ROR1: variants seen among roughly 807,000 people sequenced by gnomAD.
ROR1 encodes ROR family WNT receptor 1.
In ROR1, 19 loss-of-function variants were observed where a neutral mutation model predicts 78.8. That is an observed-to-expected ratio of 0.24 (90% CI 0.17 to 0.35). ROR1 has a LOEUF of 0.35. Among genes scored for constraint, ROR1 ranks in the 10% least tolerant of loss-of-function variants. The pLI is 1.00. For synonymous variants in ROR1, 386 were observed against 433.6 expected, an observed-to-expected ratio of 0.89 and a Z score of 1.36; for missense variants, 917 against 1,177.8, an observed-to-expected ratio of 0.78 and a Z score of 3.24.
At chr1:63,937,190 T>C (rs1645800380) in intron 1 of ROR1, among the ~76,000 whole-genome samples, 1 of 152,210 alleles carries the variant, frequency 6.6e-6, no homozygotes, top group African/African-American at 2.4e-5. Flanking sequence ...TTTCTATCTC[T>C]TAGTGACTGA....
At chr1:63,827,201 C>A (rs1024177656) in intron 1 of ROR1, among the ~76,000 whole-genome samples, 3 of 151,982 alleles carry the variant, frequency 2.0e-5, no homozygotes, top group Non-Finnish European at 2.9e-5. Context: ...TTGCTGGGTG[C>A]ATAGTTTGTG....
At chr1:63,811,351 C>T (rs929280424) in intron 1 of ROR1, among the ~76,000 whole-genome samples, 5 of 152,112 alleles carry the variant, frequency 3.3e-5, no homozygotes, top group African/African-American at 9.7e-5. Context: ...TGATCAGTGC[C>T]CCTAAAATTG....
chr1:63,943,039 G>A (rs1386414062), intron 1 of ROR1, among the ~76,000 whole-genome samples: 1 of 148,092 alleles, frequency 6.8e-6, no homozygotes, highest in East Asian at 2.0e-4. Flanking sequence ...GCAGCAAGCT[G>A]TGATTACACC....
intron 1 of ROR1, among the ~76,000 whole-genome samples, chr1:63,818,743 A>C (rs1301681648): frequency 6.6e-6 from 1 of 152,210 alleles, no homozygotes; most frequent in Non-Finnish European, 1.5e-5. Context: ...GTGAATACAT[A>C]AGGTATAACC....
At chr1:64,094,070 C>T (rs553541165) in intron 4 of ROR1, among the ~76,000 whole-genome samples, 2 of 152,278 alleles carry the variant, frequency 1.3e-5, no homozygotes, top group South Asian at 4.1e-4. Context: ...ACAATGCCAA[C>T]TATTGCTTGT....
intron 7 of ROR1, among the ~76,000 whole-genome samples, chr1:64,155,347 T>C (rs892119442): frequency 6.6e-6 from 1 of 152,222 alleles, no homozygotes; most frequent in Non-Finnish European, 1.5e-5. Context: ...TCTGGCCAAA[T>C]GCAGAGAGCT....
chr1:63,864,466 G>A (rs990088171), intron 1 of ROR1, among the ~76,000 whole-genome samples: 1 of 152,136 alleles, frequency 6.6e-6, no homozygotes, highest in Non-Finnish European at 1.5e-5. Flanking sequence ...TGAACCCTTG[G>A]AAATTGTGTG....
chr1:64,017,887 T>A (rs1470466352), intron 2 of ROR1, among the ~76,000 whole-genome samples: 1 of 152,208 alleles, frequency 6.6e-6, no homozygotes, highest in African/African-American at 2.4e-5. Flanking sequence ...AGTCTCAGAT[T>A]CCTTACTCCC....
intron 4 of ROR1, chr1:64,105,264 G>T (rs1647749259): frequency 6.6e-6 from 1 of 152,136 alleles, no homozygotes; most frequent in African/African-American, 2.4e-5. Context: ...CTTCTTTTGA[G>T]AAGTGTCTGT....
chr1:63,858,914 A>G (rs7549286), intron 1 of ROR1, among the ~76,000 whole-genome samples: 30,752 of 152,182 alleles, frequency 0.2, 3,381 homozygotes, highest in Middle Eastern at 0.26. Flanking sequence ...ATGTGAATAA[A>G]TCAATATATT....
intron 4 of ROR1, among the ~76,000 whole-genome samples, chr1:64,072,283 C>T (rs961951705): frequency 6.6e-6 from 1 of 152,138 alleles, no homozygotes; most frequent in African/African-American, 2.4e-5. Flanking sequence ...TTACTAAGGG[C>T]CTGCTTCCTA....
intron 4 of ROR1, among the ~76,000 whole-genome samples, chr1:64,078,434 G>A (rs547353950): frequency 6.6e-6 from 1 of 152,268 alleles, no homozygotes; most frequent in South Asian, 2.1e-4. Context: ...AACTAAGTGG[G>A]ATGAAGCTTC....
At chr1:63,803,413 G>A (rs1192445558) in intron 1 of ROR1, among the ~76,000 whole-genome samples, 4 of 150,698 alleles carry the variant, frequency 2.7e-5, no homozygotes, top group African/African-American at 9.8e-5. Flanking sequence ...GCGCAATATC[G>A]GCTCACTGCA....
chr1:63,888,540 T>C, intron 1 of ROR1, among the ~76,000 whole-genome samples: 1 of 151,998 alleles, frequency 6.6e-6, no homozygotes. Context: ...GGAGGATCAG[T>C]TGAGCTCAGG....
intron 1 of ROR1, among the ~76,000 whole-genome samples, chr1:63,852,759 T>C (rs1483178274): frequency 2.0e-5 from 3 of 152,212 alleles, no homozygotes; most frequent in African/African-American, 7.2e-5. Context: ...AGGACAAATC[T>C]GTAGCATGAC....
rs370407630 is a variant in ROR1, at chr1:64,009,253, C to G, written c.92-52C>G. ...AATGCTTCTAACAGCCTATAAATTA[C>G]TATATTTAATATTGCCCTTGTCTTT... On this transcript the variant is annotated intron_variant, in intron 1 of 8. Coordinates refer to ENST00000371079, the MANE Select transcript of ROR1 (RefSeq NM_005012.4). The G allele has an allele frequency of 5.8e-5, 77 of 1,327,726 alleles. No homozygotes were observed. The African/African-American group carries it at 9.0e-4, about 15-fold the overall frequency. 82.2% of individuals were successfully genotyped at this position (1,327,726 alleles called of 1,614,324 possible). A position where few individuals can be genotyped will look rare whatever the true frequency, so the allele number is the denominator to read the frequency against.
chr1:64,042,261 G>A (rs1646751080), intron 2 of ROR1, among the ~76,000 whole-genome samples: 1 of 152,086 alleles, frequency 6.6e-6, no homozygotes, highest in African/African-American at 2.4e-5. Flanking sequence ...TCTAAGGGTG[G>A]GACCCAGGTA....
intron 1 of ROR1, among the ~76,000 whole-genome samples, chr1:63,836,713 T>A (rs1645020666): frequency 1.3e-5 from 2 of 152,246 alleles, no homozygotes; most frequent in Non-Finnish European, 2.9e-5. Flanking sequence ...GTTAACATTC[T>A]GCATGTAGCT....
At chr1:64,061,603 C>T (rs1300851227) in intron 4 of ROR1, among the ~76,000 whole-genome samples, 1 of 152,082 alleles carries the variant, frequency 6.6e-6, no homozygotes, top group Non-Finnish European at 1.5e-5. Flanking sequence ...TTACACTTTC[C>T]CAGGGGGTGC....
Sources: allele counts gnomAD v4.1 joint callset (sites outside exome capture counted in the v4.1 genomes callset), GRCh38; gene constraint gnomAD v4.1.1; transcripts MANE v1.5; gene names NCBI Gene and HGNC (gene_info 2026-07-23, HGNC 2026-07-21).